Variants in ANKRD31 observed in about 807,000 individuals in gnomAD.
The protein encoded by ANKRD31 is ankyrin repeat domain-containing protein 31.
In ANKRD31, 147 loss-of-function variants were observed where a neutral mutation model predicts 186.0. That is an observed-to-expected ratio of 0.79 (90% CI 0.69 to 0.91). The LOEUF (loss-of-function observed/expected upper bound fraction) is 0.91. Among genes scored for constraint, ANKRD31 ranks in the 40% least tolerant of loss-of-function variants. The pLI is 0.00. For synonymous variants in ANKRD31, 673 were observed against 736.4 expected, an observed-to-expected ratio of 0.91 and a Z score of 1.39; for missense variants, 1,986 against 2,148.8, an observed-to-expected ratio of 0.92 and a Z score of 1.50.
intron 17 of ANKRD31, among the ~76,000 whole-genome samples, chr5:75,130,129 C>T (rs1305625053): frequency 6.6e-6 from 1 of 152,096 alleles, no homozygotes; most frequent in Non-Finnish European, 1.5e-5. Context: ...TCTCACTGAC[C>T]TCAGGAGTGA....
intron 17 of ANKRD31, among the ~76,000 whole-genome samples, chr5:75,131,391 C>G (rs966917593): frequency 6.6e-6 from 1 of 152,190 alleles, no homozygotes; most frequent in African/African-American, 2.4e-5. Flanking sequence ...GGGTCCCACG[C>G]CCACAGAGCC....
chr5:75,125,729 C>T (rs1749198601), intron 17 of ANKRD31, among the ~76,000 whole-genome samples: 1 of 152,120 alleles, frequency 6.6e-6, no homozygotes, highest in Admixed American at 6.5e-5. Flanking sequence ...TAGTGTTTTT[C>T]AGTAATAGTC....
Position 75,236,566 on chromosome 5 carries a change from G to C in ANKRD31, c.104+17C>G. 3 of 1,534,754 alleles carry C rather than the reference G, an allele frequency of 2.0e-6. No homozygotes were observed. The highest frequency in any genetic ancestry group is 1.2e-5 in the South Asian group (1 of 83,872). ...CTGGCGCGAGGGTTCAGGCACTGTG[G>C]CCCTAATGATGGTCACCTTCTCCAG... is the stretch of plus-strand genomic sequence containing the variant. On this transcript the variant is annotated intron_variant, in intron 1 of 25. Coordinates refer to ENST00000506364, the MANE Select transcript of ANKRD31 (RefSeq NM_001372053.1).
intron 25 of ANKRD31, among the ~76,000 whole-genome samples, chr5:75,071,067 G>A (rs1250038723): frequency 6.6e-6 from 1 of 152,122 alleles, no homozygotes; most frequent in African/African-American, 2.4e-5. Flanking sequence ...ACCTTCAGTG[G>A]AGCGTAAATG....
intron 24 of ANKRD31, among the ~76,000 whole-genome samples, chr5:75,081,200 G>A (rs867492709): frequency 6.6e-6 from 1 of 152,138 alleles, no homozygotes; most frequent in South Asian, 2.1e-4. Context: ...CTTAGGTCCA[G>A]ACCAAGGTAG....
At chr5:75,134,951 G>A (rs899579886) in intron 17 of ANKRD31, among the ~76,000 whole-genome samples, 1 of 152,066 alleles carries the variant, frequency 6.6e-6, no homozygotes, top group Non-Finnish European at 1.5e-5. Flanking sequence ...GAAAAGGCCT[G>A]CAACAAAAGT....
rs565087141 is a variant in ANKRD31, at chr5:75,175,561, C to A, written c.1565-6440G>T. 6.6e-5 allele frequency among the ~76,000 whole-genome samples: 10 copies of A among 152,030 alleles called. No individual in the cohort carries two copies. The South Asian group carries it at 1.7e-3, about 25-fold the overall frequency. ...AATGACTGAGAGAGGCATGAGGGAA[C>A]TTTCTGGGATAGTGTATCTGTCAAC... is the stretch of plus-strand genomic sequence containing the variant. On this transcript the variant is annotated intron_variant, in intron 10 of 25. Transcript: ENST00000506364.
At chr5:75,107,103 G>A (rs1431731702) in intron 21 of ANKRD31, among the ~76,000 whole-genome samples, 2 of 151,896 alleles carry the variant, frequency 1.3e-5, no homozygotes, top group African/African-American at 2.4e-5. Context: ...TAAGGACCTT[G>A]AGATTTTAGA....
At chr5:75,210,221 T>C (rs1422417714) in intron 4 of ANKRD31, among the ~76,000 whole-genome samples, 2 of 152,214 alleles carry the variant, frequency 1.3e-5, no homozygotes, top group East Asian at 1.9e-4. Flanking sequence ...TTGCCCAGGC[T>C]GGAGTGCAGT....
At chr5:75,123,756 T>C (rs1748980917) in intron 17 of ANKRD31, among the ~76,000 whole-genome samples, 1 of 152,070 alleles carries the variant, frequency 6.6e-6, no homozygotes. Context: ...CGTAGAAGAA[T>C]GTCTCTAATC....
chr5:75,073,278 G>C (rs1744385622), intron 25 of ANKRD31, among the ~76,000 whole-genome samples: 1 of 149,894 alleles, frequency 6.7e-6, no homozygotes, highest in African/African-American at 2.5e-5. Context: ...GCTTGGGTGA[G>C]AAAGTAAGAC....
Position 75,104,979 on chromosome 5 carries a change from G to T in ANKRD31, c.4580C>A (p.Pro1527His). ...ELTSLENLEH[P>H]QSGSLSPVSG... ...AACAGGAGAAAGTGAACCTGATTGG[G>T]GATGCTCTAAATTTTCCAGACTAGT... The change falls in exon 22 of 26, where the codon CCC becomes CAC. Residue 1527 changes from proline (P) to histidine (H), a missense_variant. By Grantham distance (77) the Pro-to-His change is moderately conservative (BLOSUM62 -2). Transcript: ENST00000506364. 6 of 1,536,846 alleles carry T rather than the reference G, an allele frequency of 3.9e-6. No homozygotes were observed. Among genetic ancestry groups the T allele is most frequent in the Non-Finnish European group, 5.2e-6 (6 of 1,146,832 alleles).
At chr5:75,196,378 G>T (rs1001081655) in intron 6 of ANKRD31, among the ~76,000 whole-genome samples, 178 bp from the exon 7 acceptor site, 18 of 151,860 alleles carry the variant, frequency 1.2e-4, no homozygotes, top group Admixed American at 1.2e-3. Flanking sequence ...ATACCAAATC[G>T]CTAATTACTG....
chr5:75,169,011 G>A lies in ANKRD31; in HGVS notation c.1675C>T (p.Leu559=). 2 of 1,536,360 alleles carry A rather than the reference G, an allele frequency of 1.3e-6. No homozygotes were observed. Among genetic ancestry groups the A allele is most frequent in the Non-Finnish European group, 8.7e-7 (1 of 1,146,322 alleles). The change falls in exon 11 of 26, where the codon CTA becomes TTA. Residue 559 remains leucine (L), a synonymous_variant. Transcript: ENST00000506364. ...NIKGLYQITP[L]HDAVMNGHYK... ...TGTCCATTCATCACTGCATCATGTAGGGGAGTAATCTGGTATAATCCTTTG... is the reference window on the plus strand; with the variant it reads ...TGTCCATTCATCACTGCATCATGTAAGGGAGTAATCTGGTATAATCCTTTG...
intron 3 of ANKRD31, 93 bp downstream of exon 3, chr5:75,222,156 T>A: frequency 1.1e-6 from 1 of 897,276 alleles, no homozygotes; most frequent in South Asian, 2.2e-5. Context: ...AAGCAAAATA[T>A]AGACAAAAAG....
intron 11 of ANKRD31, among the ~76,000 whole-genome samples, chr5:75,157,113 A>G (rs1403592043): frequency 2.0e-5 from 3 of 152,194 alleles, no homozygotes; most frequent in African/African-American, 7.2e-5. Flanking sequence ...TAGGAGGAGC[A>G]TATTAGAGAG....
At chr5:75,230,861 TA>T (rs1374742884) in intron 1 of ANKRD31, among the ~76,000 whole-genome samples, 1 of 152,220 alleles carries the variant, frequency 6.6e-6, no homozygotes, top group Non-Finnish European at 1.5e-5. Context: ...ATTCTGTTAT[TA>T]TTTTTTAATA....
At chr5:75,140,207 AAAAAG>A (rs895556943) in intron 15 of ANKRD31, among the ~76,000 whole-genome samples, 3 of 151,074 alleles carry the variant, frequency 2.0e-5, no homozygotes, top group South Asian at 2.1e-4. Flanking sequence ...CCGTCTCAAA[AAAAAG>A]AAAAGAAAAG....
intron 10 of ANKRD31, among the ~76,000 whole-genome samples, chr5:75,176,067 C>G (rs1311867795): frequency 4.6e-5 from 7 of 152,192 alleles, no homozygotes; most frequent in Admixed American, 3.9e-4. Context: ...GCTTAACAAA[C>G]AGCACACCAG....
Sources: allele counts gnomAD v4.1 joint callset (sites outside exome capture counted in the v4.1 genomes callset), GRCh38; gene constraint gnomAD v4.1.1; transcripts MANE v1.5; gene names NCBI Gene and HGNC (gene_info 2026-07-23, HGNC 2026-07-21).